Variants in BRD1 observed in about 807,000 individuals in gnomAD.
BRD1 encodes bromodomain-containing protein 1.
BRD1 carries 24 observed loss-of-function variants against 107.7 expected under a neutral mutation model. That is an observed-to-expected ratio of 0.22 (90% CI 0.16 to 0.31). BRD1 has a LOEUF of 0.31. Among genes scored for constraint, BRD1 ranks in the 10% least tolerant of loss-of-function variants. The pLI is 1.00. For missense variants in BRD1, 1,279 were observed against 1,638.6 expected, an observed-to-expected ratio of 0.78 and a Z score of 3.79; for synonymous variants, 744 against 686.1, an observed-to-expected ratio of 1.08 and a Z score of -1.32.
Position 49,774,195 on chromosome 22 carries a change from C to T in BRD1, c.*38G>A, listed in dbSNP as rs1401085759. ...CAATATACAAACATGTACAGCTTATCAACACTATGGACAAGACCCGCGCTG... is the reference window on the plus strand; with the variant it reads ...CAATATACAAACATGTACAGCTTATTAACACTATGGACAAGACCCGCGCTG... On this transcript the variant is annotated 3_prime_UTR_variant, in exon 13 of 13. Transcript: ENST00000404760. 1.9e-6 allele frequency: 3 copies of T among 1,589,496 alleles called. No individual in the cohort carries two copies. The highest frequency in any genetic ancestry group is 3.6e-5 in the Admixed American group (2 of 56,336).
intron 2 of BRD1, chr22:49,817,152 TCA>T (rs1469765883): frequency 6.6e-6 from 1 of 152,594 alleles, no homozygotes; most frequent in African/African-American, 2.4e-5. Context: ...TCCCCTGACC[TCA>T]CAGTGCCTCA....
intron 12 of BRD1, 66 bp downstream of exon 12, chr22:49,775,525 G>A: frequency 7.7e-7 from 1 of 1,298,690 alleles, no homozygotes; most frequent in Non-Finnish European, 9.8e-7. Context: ...GGGACACTCA[G>A]GTCACCGAGC....
intron 7 of BRD1, among the ~76,000 whole-genome samples, chr22:49,788,288 C>T (rs1160530206): frequency 1.3e-5 from 2 of 152,028 alleles, no homozygotes; most frequent in African/African-American, 4.8e-5. Context: ...TACTGGGCCA[C>T]GAAGTTAGCA....
chr22:49,796,345 C>G (rs146047339), intron 6 of BRD1, among the ~76,000 whole-genome samples: 1 of 149,794 alleles, frequency 6.7e-6, no homozygotes, highest in Non-Finnish European at 1.5e-5. Context: ...CCACCCGCCT[C>G]GGCCTCTCTC....
chr22:49,824,533 T>TA lies in BRD1; in HGVS notation c.-14-203dup, dbSNP rs2060125596. 1 of 1,399,618 alleles carries TA rather than the reference T, an allele frequency of 7.1e-7. No individual in the cohort carries two copies. The highest frequency in any genetic ancestry group is 9.3e-7 in the Non-Finnish European group (1 of 1,079,432). 86.7% of individuals were successfully genotyped at this position (1,399,618 alleles called of 1,614,324 possible). The stretch of plus-strand genomic sequence containing the variant: ...CCCAGGACCAGGGAGGGAGCAGCAG[T>TA]AACAGGCAGAGAGGCAGCCTGAGGA... On this transcript the variant is annotated intron_variant, in intron 1 of 12. Coordinates refer to ENST00000404760, the MANE Select transcript of BRD1 (RefSeq NM_001304808.3). The surrounding 1 kb of genome is among the most constrained non-coding windows in gnomAD (Gnocchi z 5.9).
chr22:49,801,851 C>T (rs940253969), intron 3 of BRD1, among the ~76,000 whole-genome samples: 2 of 152,248 alleles, frequency 1.3e-5, no homozygotes, highest in African/African-American at 2.4e-5. Flanking sequence ...CCCCAGGCCA[C>T]CCCCAGCTGC....
chr22:49,797,763 A>G (rs1006177934), intron 6 of BRD1, 42 bp downstream of exon 6: 7 of 1,537,962 alleles, frequency 4.6e-6, no homozygotes, highest in Non-Finnish European at 6.1e-6. Context: ...TCTGCTAGAA[A>G]GAGCGTCTTC....
chr22:49,781,121 C>T (rs1161994996), intron 8 of BRD1, among the ~76,000 whole-genome samples: 1 of 152,170 alleles, frequency 6.6e-6, no homozygotes, highest in Non-Finnish European at 1.5e-5. Context: ...GGAATTCCCA[C>T]AGCGGCCAGG....
chr22:49,807,540 C>G (rs1323243308), intron 2 of BRD1, among the ~76,000 whole-genome samples: 1 of 152,112 alleles, frequency 6.6e-6, no homozygotes, highest in East Asian at 1.9e-4. Context: ...GCAGATGGCA[C>G]CAGGACAAGT....
chr22:49,796,714 T>G (rs960067129), intron 6 of BRD1, among the ~76,000 whole-genome samples: 1 of 152,114 alleles, frequency 6.6e-6, no homozygotes, highest in African/African-American at 2.4e-5. Flanking sequence ...AGGTGCCGAG[T>G]GCTGCGGGAC....
intron 7 of BRD1, among the ~76,000 whole-genome samples, 158 bp from the exon 8 acceptor site, chr22:49,788,045 C>T (rs1252339951): frequency 6.6e-6 from 1 of 152,226 alleles, no homozygotes; most frequent in Non-Finnish European, 1.5e-5. Context: ...CCCGTGGGCT[C>T]GGGCCACACT....
rs919603239 is a variant in BRD1, at chr22:49,804,367, C to CACAAA, written c.1368-12_1368-8dup. 2 of 1,597,806 alleles carry CACAAA rather than the reference C, an allele frequency of 1.3e-6. No homozygotes were observed. Among genetic ancestry groups the CACAAA allele is most frequent in the Non-Finnish European group, 1.7e-6 (2 of 1,169,430 alleles). ...ATTCGCAATCCTATTTAACCTAAAA[C>CACAAA]ACAAACACTCAGTGTATCTTTGAAG... On this transcript the variant is annotated splice_region_variant and splice_polypyrimidine_tract_variant and intron_variant, in intron 2 of 12. Coordinates refer to ENST00000404760, the MANE Select transcript of BRD1 (RefSeq NM_001304808.3).
In BRD1 at chr22:49,803,232, G is replaced by A. The variant is rs553687933; in HGVS notation, c.1524+972C>T. On this transcript the variant is annotated intron_variant, in intron 3 of 12. Transcript: ENST00000404760. This position sits in a 1 kb window ranked among gnomAD's most constrained non-coding sequence, Gnocchi z 4.4. ...GAGTCTGCGAGGCAGAGACAGCACC[G>A]GCCACCGCACCACCGCACGGGGACC... Among the ~76,000 whole-genome samples, 3 of 151,028 alleles carry A rather than the reference G, an allele frequency of 2.0e-5. No individual in the cohort carries two copies. The highest frequency in any genetic ancestry group is 2.1e-4 in the South Asian group (1 of 4,826).
chr22:49,816,049 C>T (rs2059945514), intron 2 of BRD1, among the ~76,000 whole-genome samples: 2 of 152,178 alleles, frequency 1.3e-5, no homozygotes, highest in Non-Finnish European at 2.9e-5. Flanking sequence ...AACTCATGCA[C>T]CCACACCGCC....
chr22:49,820,144 A>G (rs541160833), intron 2 of BRD1, among the ~76,000 whole-genome samples: 490 of 147,918 alleles, frequency 3.3e-3, no homozygotes, highest in Non-Finnish European at 5.4e-3. Flanking sequence ...AAAAGGGGGG[A>G]AAAAAAAGAA....
Sources: allele counts gnomAD v4.1 joint callset (sites outside exome capture counted in the v4.1 genomes callset), GRCh38; gene constraint gnomAD v4.1.1; non-coding constraint Gnocchi (gnomAD v3.1); transcripts MANE v1.5; gene names NCBI Gene and HGNC (gene_info 2026-07-23, HGNC 2026-07-21).